DKK2: variants seen among roughly 807,000 people sequenced by gnomAD.
DKK2 encodes the protein dickkopf Wnt signaling pathway inhibitor 2.
DKK2 carries 11 observed loss-of-function variants against 28.1 expected under a neutral mutation model. That is an observed-to-expected ratio of 0.39 (90% CI 0.25 to 0.65). The LOEUF (loss-of-function observed/expected upper bound fraction) is 0.65, where lower values mean the gene tolerates loss of function less well. DKK2 is among the 30% of genes least tolerant of loss of function. The probability of loss-of-function intolerance (pLI) is 0.47; values close to 1 mark genes in which losing one functional copy is unlikely to be tolerated. For synonymous variants in DKK2, 135 were observed against 126.5 expected (o/e 1.07, Z -0.45); for missense variants, 326 against 335.5 (o/e 0.97, Z 0.22).
intron 1 of DKK2, among the ~76,000 whole-genome samples, chr4:106,991,739 C>T (rs1723208282): frequency 6.6e-6 from 1 of 152,126 alleles, no homozygotes; most frequent in South Asian, 2.1e-4. Context: ...AAAAAACAGG[C>T]ATGCATGTAT....
intron 1 of DKK2, among the ~76,000 whole-genome samples, chr4:106,992,586 T>C (rs1379710024): frequency 6.6e-6 from 1 of 152,188 alleles, no homozygotes; most frequent in Non-Finnish European, 1.5e-5. Context: ...CAAAGACAAA[T>C]TTCTTTGCTG....
intron 1 of DKK2, among the ~76,000 whole-genome samples, chr4:106,935,527 C>T (rs566401149): frequency 4.2e-4 from 64 of 152,318 alleles, no homozygotes; most frequent in Middle Eastern, 3.4e-3. Context: ...AAGGCGGCAG[C>T]GAGGCTGGGT....
At chr4:106,932,221 G>T (rs1265026077) in intron 1 of DKK2, among the ~76,000 whole-genome samples, 1 of 152,142 alleles carries the variant, frequency 6.6e-6, no homozygotes, top group African/African-American at 2.4e-5. Flanking sequence ...GATCAGAGAT[G>T]AAAGAGTATC....
At chr4:106,936,116 G>A (rs962502104) in intron 1 of DKK2, among the ~76,000 whole-genome samples, 153 of 152,308 alleles carry the variant, frequency 1.0e-3, no homozygotes, top group African/African-American at 3.4e-3. Context: ...GCTGGATGGA[G>A]AATGACTTTG....
chr4:106,960,202 T>C (rs1391649636), intron 1 of DKK2, among the ~76,000 whole-genome samples: 2 of 150,742 alleles, frequency 1.3e-5, no homozygotes, highest in Non-Finnish European at 3.0e-5. Context: ...ATATATGAGA[T>C]ATGTGATATA....
intron 1 of DKK2, among the ~76,000 whole-genome samples, chr4:106,971,834 C>T (rs1055553430): frequency 2.5e-4 from 38 of 152,070 alleles, no homozygotes; most frequent in African/African-American, 8.7e-4. Flanking sequence ...CATGCAGAGT[C>T]CTTTGGAGTA....
chr4:106,977,084 T>C lies in DKK2; in HGVS notation c.223-51135A>G, dbSNP rs193292032. 2.0e-3 allele frequency among the ~76,000 whole-genome samples: 305 copies of C among 152,334 alleles called. 2 individuals are homozygous for C. The highest frequency in any genetic ancestry group is 6.9e-3 in the African/African-American group (285 of 41,570). On this transcript the variant is annotated intron_variant, in intron 1 of 3. Coordinates refer to ENST00000285311, the MANE Select transcript of DKK2 (RefSeq NM_014421.3). ...TATTGGCCCCCACTCTCTTCTGGCT[T>C]GTAGGGTTTCTGCAGAGAGATCTGC...
intron 3 of DKK2, 61 bp downstream of exon 3, chr4:106,924,484 A>G (rs913992437): frequency 1.3e-6 from 2 of 1,542,820 alleles, no homozygotes; most frequent in African/African-American, 1.4e-5. Context: ...GGAATTAATT[A>G]TCTATATTTT....
At chr4:106,984,486 A>T (rs1345278554) in intron 1 of DKK2, among the ~76,000 whole-genome samples, 1 of 152,220 alleles carries the variant, frequency 6.6e-6, no homozygotes, top group African/African-American at 2.4e-5. Flanking sequence ...AATGTTGTCA[A>T]GGTTAGTCCA....
intron 1 of DKK2, among the ~76,000 whole-genome samples, chr4:106,941,425 A>G (rs1339618782): frequency 6.6e-6 from 1 of 152,168 alleles, no homozygotes; most frequent in Non-Finnish European, 1.5e-5. Flanking sequence ...CAGTTCTTTT[A>G]CTATCTGTAT....
chr4:106,946,633 A>C (rs2110345492), intron 1 of DKK2, among the ~76,000 whole-genome samples: 1 of 152,178 alleles, frequency 6.6e-6, no homozygotes, highest in African/African-American at 2.4e-5. Context: ...CTACACATAG[A>C]GCATAGGCAG....
In DKK2 at chr4:107,032,333, A is replaced by T. The variant is rs138733145; in HGVS notation, c.222+3037T>A. ...AGAACAGTGGATTTTCTCTCTCTAA[A>T]TTTTTTCTAAAATTCAAAGCCACAT... On this transcript the variant is annotated intron_variant, in intron 1 of 3. Transcript: ENST00000285311. Among the ~76,000 whole-genome samples the T allele has an allele frequency of 8.1e-3, 1,239 of 152,032 alleles. 13 individuals carry two copies. The highest frequency in any genetic ancestry group is 0.028 in the African/African-American group (1,166 of 41,516).
intron 1 of DKK2, among the ~76,000 whole-genome samples, chr4:106,929,422 C>T (rs1006040244): frequency 6.6e-6 from 1 of 152,180 alleles, no homozygotes; most frequent in Non-Finnish European, 1.5e-5. Flanking sequence ...GAATCATACG[C>T]TCAGCTTATG....
chr4:106,985,682 G>T (rs1723106356), intron 1 of DKK2, among the ~76,000 whole-genome samples: 1 of 151,590 alleles, frequency 6.6e-6, no homozygotes, highest in African/African-American at 2.4e-5. Context: ...GGTGGCGGGC[G>T]CCTGTAATCC....
At chr4:106,998,440 G>T (rs766894906) in intron 1 of DKK2, among the ~76,000 whole-genome samples, 2 of 152,058 alleles carry the variant, frequency 1.3e-5, no homozygotes, top group Non-Finnish European at 2.9e-5. Flanking sequence ...CTCCCATAAG[G>T]ACAAGCAGTC....
Position 107,035,690 on chromosome 4 carries a change from G to A in DKK2, c.-99C>T. The A allele has an allele frequency of 7.9e-7, 1 of 1,258,186 alleles. No individual in the cohort carries two copies. Among genetic ancestry groups the A allele is most frequent in the East Asian group, 2.4e-5 (1 of 41,754 alleles). 77.9% of individuals were successfully genotyped at this position (1,258,186 alleles called of 1,614,324 possible). ...CACGGGGCCCCTCACTTGGGTCGCG[G>A]GGGCTTGCAGATTGTGTTCCCTCAA... On this transcript the variant is annotated 5_prime_UTR_variant, in exon 1 of 4. Coordinates refer to ENST00000285311, the MANE Select transcript of DKK2 (RefSeq NM_014421.3).
intron 1 of DKK2, among the ~76,000 whole-genome samples, chr4:106,969,307 C>G (rs72666015): frequency 4.0e-5 from 6 of 151,598 alleles, no homozygotes; most frequent in African/African-American, 7.3e-5. Flanking sequence ...ATCTCACATA[C>G]TCAGGGCTCA....
intron 1 of DKK2, among the ~76,000 whole-genome samples, chr4:106,937,071 T>C (rs368773576): frequency 1.3e-5 from 2 of 152,012 alleles, no homozygotes; most frequent in East Asian, 3.9e-4. Context: ...ATGAGCAAAA[T>C]AACCAGCTAA....
chr4:107,023,060 T>C (rs147886441), intron 1 of DKK2, among the ~76,000 whole-genome samples: 11 of 152,278 alleles, frequency 7.2e-5, no homozygotes, highest in African/African-American at 2.6e-4. Context: ...ATAGAACTTT[T>C]ACTGATAATC....
Sources: gnomAD v4.1 joint callset for allele counts (sites outside exome capture counted in the v4.1 genomes callset) on GRCh38, gnomAD v4.1.1 for gene constraint, MANE v1.5 for transcripts, NCBI Gene and HGNC (gene_info 2026-07-23, HGNC 2026-07-21) for gene names.